PDE6A: variants seen among roughly 807,000 people sequenced by gnomAD.
The protein encoded by PDE6A is rod cGMP-specific 3',5'-cyclic phosphodiesterase subunit alpha.
Under a neutral mutation model 106.3 loss-of-function variants are expected in PDE6A, and 84 were observed. The observed-to-expected ratio is 0.79, with a 90% CI of 0.66 to 0.95. PDE6A has a LOEUF of 0.95. Among genes scored for constraint, PDE6A ranks in the 40% least tolerant of loss-of-function variants. The pLI is 0.00. For missense variants in PDE6A, 1,052 were observed against 1,084.9 expected, an observed-to-expected ratio of 0.97 and a Z score of 0.43; for synonymous variants, 394 against 386.6, an observed-to-expected ratio of 1.02 and a Z score of -0.23.
chr5:149,940,794 G>A (rs919615049), intron 1 of PDE6A, among the ~76,000 whole-genome samples: 3 of 152,072 alleles, frequency 2.0e-5, no homozygotes, highest in Non-Finnish European at 4.4e-5. Flanking sequence ...CACTGCGCCC[G>A]GCCTACCTGT....
intron 6 of PDE6A, among the ~76,000 whole-genome samples, chr5:149,908,242 T>A (rs1398158196): frequency 1.3e-5 from 2 of 152,182 alleles, no homozygotes; most frequent in Non-Finnish European, 2.9e-5. Context: ...TTGGTGGACA[T>A]CCCCCATCCC....
chr5:149,914,709 C>T (rs30828), intron 6 of PDE6A, among the ~76,000 whole-genome samples: 100,817 of 150,842 alleles, frequency 0.67, 33,778 homozygotes, highest in Admixed American at 0.72. Flanking sequence ...TATTTTTCTA[C>T]TGTTCTATCT....
At position 149,886,695 on chromosome 5, in the gene PDE6A, A is replaced by T. The variant is rs1752319450; in HGVS notation, c.1729-321T>A. Among the ~76,000 whole-genome samples, 3 of 152,194 alleles carry T rather than the reference A, an allele frequency of 2.0e-5. 1 individual carries two copies. The highest frequency in any genetic ancestry group is 4.4e-5 in the Non-Finnish European group (3 of 68,032). On this transcript the variant is annotated intron_variant, in intron 13 of 21. Coordinates refer to ENST00000255266, the MANE Select transcript of PDE6A (RefSeq NM_000440.3). ...CCATAATGAGGGTCGAGCATATTGG[A>T]TCAGATGAATTTTGAGAAACTTGTA...
At chr5:149,903,820 G>A in intron 7 of PDE6A, 125 bp from the exon 8 acceptor site, 1 of 809,054 alleles carries the variant, frequency 1.2e-6, no homozygotes, top group East Asian at 2.4e-5. Flanking sequence ...TTTTCATCAG[G>A]TAGACATAGT....
chr5:149,886,294 G>A lies in PDE6A; in HGVS notation c.1809C>T (p.His603=). 1.2e-6 allele frequency: 2 copies of A among 1,613,852 alleles called. No individual in the cohort carries two copies. Among genetic ancestry groups the A allele is most frequent in the Non-Finnish European group, 1.7e-6 (2 of 1,179,682 alleles). ...TCTGGTAGAGGTTATTGGTGCCTCT[G>A]TGGTCAATGTCATGGCAGAAAGCAG... ...VTAAFCHDID[H]RGTNNLYQMK... is the part of the protein sequence containing the mutation. The change falls in exon 14 of 22, where the codon CAC becomes CAT. Residue 603 remains histidine (H), a synonymous_variant. Transcript: ENST00000255266.
In PDE6A at chr5:149,911,374, C is replaced by T. The variant is rs548662948; in HGVS notation, c.998+3569G>A. Among the ~76,000 whole-genome samples the T allele has an allele frequency of 6.6e-5, 10 of 152,260 alleles. 1 individual carries two copies. In the South Asian group the frequency reaches 2.1e-3, roughly 32 times the overall value. Reference sequence around the variant, plus strand: ...TTTTTTGTTCTTTGTTCCTATAAAACCAACCCCTTCTGCTCAACTCATTGG... The same window carrying T: ...TTTTTTGTTCTTTGTTCCTATAAAATCAACCCCTTCTGCTCAACTCATTGG... On this transcript the variant is annotated intron_variant, in intron 6 of 21. Transcript: ENST00000255266.
In PDE6A at chr5:149,899,422, G is replaced by A. The variant is rs745976733; in HGVS notation, c.1216C>T (p.Arg406Cys). The change falls in exon 9 of 22, where the codon CGT (arginine) becomes TGT (cysteine). Residue 406 changes from arginine to cysteine, a missense_variant. This residue lies in a region of PDE6A where 913 missense variants were observed against 915.2 expected (regional missense o/e 1.00). Coordinates refer to ENST00000255266, the MANE Select transcript of PDE6A (RefSeq NM_000440.3). ...TCATCAAAGGGCTTCCCATCTTTAC[G>A]ATTGTAAAATGTGGCCACTCCAACA... ...EIVGVATFYN[R>C]KDGKPFDEMD... The A allele has an allele frequency of 1.9e-6, 3 of 1,613,960 alleles. No homozygotes were observed. The highest frequency in any genetic ancestry group is 2.2e-5 in the East Asian group (1 of 44,898).
chr5:149,899,318 T>A (rs1752876346), intron 9 of PDE6A, 57 bp downstream of exon 9: 1 of 1,584,750 alleles, frequency 6.3e-7, no homozygotes, highest in African/African-American at 1.3e-5. Flanking sequence ...ACACCCAGCC[T>A]CCCCCAGCAA....
Position 149,860,937 on chromosome 5 carries a change from G to T in PDE6A, c.2541C>A (p.Ser847Arg), listed in dbSNP as rs1460862432. 9 of 1,614,064 alleles carry T rather than the reference G, an allele frequency of 5.6e-6. No homozygotes were observed. The highest frequency in any genetic ancestry group is 7.6e-6 in the Non-Finnish European group (9 of 1,180,040). ...AAGNQPGGNP[S>R]PGGATTSKSC... ...ACTTGGATGTAGTTGCACCCCCTGG[G>T]CTGGGGTTTCCCCCCGGCTGATTTC... The change falls in exon 22 of 22, where the codon AGC becomes AGA. Residue 847 changes from serine to arginine, a missense_variant. By Grantham distance (110) the Ser-to-Arg change is moderately radical. Transcript: ENST00000255266.
At position 149,897,444 on chromosome 5, in the gene PDE6A, T is replaced by A. The variant is rs543238677; in HGVS notation, c.1408-668A>T. On this transcript the variant is annotated intron_variant, in intron 10 of 21. Transcript: ENST00000255266. ...CCATTCTTTGGCTGAAACTGTGGAC[T>A]GAGTCAAGCAAACCATGAGGCAATT... Among the ~76,000 whole-genome samples the A allele has an allele frequency of 7.9e-5, 12 of 152,362 alleles. No homozygotes were observed. In the East Asian group the frequency reaches 2.3e-3, roughly 29 times the overall value.
intron 13 of PDE6A, among the ~76,000 whole-genome samples, chr5:149,891,485 G>T (rs1208027550): frequency 2.0e-5 from 3 of 152,004 alleles, no homozygotes; most frequent in Non-Finnish European, 4.4e-5. Context: ...AAATAAATAA[G>T]TAGAATTGCT....
intron 17 of PDE6A, among the ~76,000 whole-genome samples, chr5:149,878,631 G>A (rs111813321): frequency 0.032 from 4,943 of 152,274 alleles, 116 homozygotes; most frequent in Admixed American, 0.054. Context: ...TTACACTCCC[G>A]CATGGGGAAC....
At chr5:149,932,535 G>A (rs1754067438) in intron 3 of PDE6A, 2 of 1,396,218 alleles carry the variant, frequency 1.4e-6, no homozygotes, top group East Asian at 2.3e-5. Flanking sequence ...GCTAGCATTT[G>A]GAACTCCTTT....
chr5:149,869,222 C>A (rs183995845), intron 17 of PDE6A, among the ~76,000 whole-genome samples: 150 of 151,064 alleles, frequency 9.9e-4, no homozygotes, highest in African/African-American at 3.3e-3. Context: ...CCCAGCTACG[C>A]GGGAGGCTGA....
rs1752757359 is a variant in PDE6A, at chr5:149,896,505, G to A, written c.1474-3C>T. Reference sequence around the variant, plus strand: ...TCTGCATCTGGCAGCTCCGCTTGCTGTATAAGGAATAGAGTCAGGTGATTA... The same window carrying A: ...TCTGCATCTGGCAGCTCCGCTTGCTATATAAGGAATAGAGTCAGGTGATTA... On this transcript the variant is annotated splice_polypyrimidine_tract_variant and splice_region_variant and intron_variant, in intron 11 of 21. Transcript: ENST00000255266. 6.2e-6 allele frequency: 10 copies of A among 1,614,170 alleles called. No individual in the cohort carries two copies. Among genetic ancestry groups the A allele is most frequent in the African/African-American group, 2.7e-5 (2 of 75,040 alleles).
intron 17 of PDE6A, among the ~76,000 whole-genome samples, chr5:149,872,712 C>A (rs1262267294): frequency 6.6e-6 from 1 of 152,124 alleles, no homozygotes; most frequent in Non-Finnish European, 1.5e-5. Flanking sequence ...CTTGGAGGAG[C>A]CTAAGAAAGC....
In PDE6A at chr5:149,934,028, C is replaced by A; in HGVS notation, c.628-9G>T. On this transcript the variant is annotated splice_polypyrimidine_tract_variant and intron_variant, in intron 2 of 21. Transcript: ENST00000255266. ...AGGTACTTGAGAAGAATCTAAAAAT[C>A]AAACAGCATGAGGGGAGGCAGGTGA... is the stretch of plus-strand genomic sequence containing the variant. The A allele has an allele frequency of 1.3e-6, 2 of 1,538,268 alleles. No individual in the cohort carries two copies. Among genetic ancestry groups the A allele is most frequent in the South Asian group, 2.2e-5 (2 of 89,154 alleles).
Position 149,868,177 on chromosome 5 carries a change from C to A in PDE6A, c.2136-19G>T. On this transcript the variant is annotated intron_variant, in intron 17 of 21. Transcript: ENST00000255266. ...CATGGCCCTGGGCACACAGGACACC[C>A]TCTATCAGTCCAGGGCCATTTAAGA... The A allele has an allele frequency of 6.8e-6, 11 of 1,612,298 alleles. No individual in the cohort carries two copies. Among genetic ancestry groups the A allele is most frequent in the Non-Finnish European group, 8.5e-6 (10 of 1,178,336 alleles).
intron 17 of PDE6A, among the ~76,000 whole-genome samples, chr5:149,878,943 ATG>A (rs1205461981): frequency 6.6e-6 from 1 of 152,066 alleles, no homozygotes; most frequent in Non-Finnish European, 1.5e-5. Flanking sequence ...TATTTAGACT[ATG>A]TGTTTTTGTG....
Sources: gnomAD v4.1 joint callset for allele counts (sites outside exome capture counted in the v4.1 genomes callset) on GRCh38, gnomAD v4.1.1 for gene constraint, gnomAD v4.1.1 regional missense constraint, MANE v1.5 for transcripts, NCBI Gene and HGNC (gene_info 2026-07-23, HGNC 2026-07-21) for gene names.